SUPT16H: variants seen among roughly 807,000 people sequenced by gnomAD.
SUPT16H encodes the protein FACT complex subunit SPT16.
A neutral mutation model predicts 136.2 loss-of-function variants in SUPT16H; 24 were observed. The ratio of observed to expected loss-of-function variants is 0.18; its 90% CI spans 0.13 to 0.25. The LOEUF is 0.25. Ranked by LOEUF, SUPT16H falls within the 10% of genes least tolerant of loss-of-function variation. The pLI is 1.00. For missense variants in SUPT16H, 623 were observed against 1,270.2 expected (o/e 0.49, Z 7.74); for synonymous variants, 415 against 428.2 (o/e 0.97, Z 0.38).
chr14:21,373,458 AT>A, intron 1 of SUPT16H, 28 bp from the exon 2 acceptor site: 1 of 1,500,960 alleles, frequency 6.7e-7, no homozygotes, highest in Non-Finnish European at 9.3e-7. Context: ...TCATCACTTA[AT>A]TTTTCACACT....
Position 21,374,115 on chromosome 14 carries a change from A to G in SUPT16H, c.67-685T>C, listed in dbSNP as rs549310033. Among the ~76,000 whole-genome samples, 8 of 152,366 alleles carry G rather than the reference A, an allele frequency of 5.3e-5. No individual in the cohort carries two copies. In the South Asian group the frequency reaches 1.7e-3, roughly 32 times the overall value. ...AGAATCTTTCAAGGAGTCATAATTTATGCAGAAATCTACATATGCCTTCTT... is the reference window on the plus strand; with the variant it reads ...AGAATCTTTCAAGGAGTCATAATTTGTGCAGAAATCTACATATGCCTTCTT... On this transcript the variant is annotated intron_variant, in intron 1 of 25. Transcript: ENST00000216297.
Position 21,361,060 on chromosome 14 carries a change from G to A in SUPT16H, c.1929+18C>T, listed in dbSNP as rs765716226. 1 of 1,612,300 alleles carries A rather than the reference G, an allele frequency of 6.2e-7. No individual in the cohort carries two copies. Among genetic ancestry groups the A allele is most frequent in the Non-Finnish European group, 8.5e-7 (1 of 1,179,364 alleles). ...GTCCTTCTTTGTGTAAGAATGTTTT[G>A]CCTGTGTTCAGGCTCACCTCCTTCT... On this transcript the variant is annotated intron_variant, in intron 16 of 25. Transcript: ENST00000216297.
intron 18 of SUPT16H, among the ~76,000 whole-genome samples, chr14:21,359,996 C>T (rs566533125): frequency 2.6e-5 from 4 of 152,142 alleles, no homozygotes; most frequent in Non-Finnish European, 5.9e-5. Context: ...TTTATTTAAT[C>T]CTCTTAAATG....
rs1478105414 is a variant in SUPT16H at position 21,369,290 on chromosome 14, A to T, written c.696T>A (p.Ala232=). 1 of 1,614,218 alleles carries T rather than the reference A, an allele frequency of 6.2e-7. No individual in the cohort carries two copies. Among genetic ancestry groups the T allele is most frequent in the East Asian group, 2.2e-5 (1 of 44,888 alleles). ...EKAIEEKKYL[A]GADPSTVEMC... The stretch of plus-strand genomic sequence containing the variant: ...TTTCCACAGTAGAAGGGTCTGCCCC[A>T]GCAAGGTATTTTTTCTCTTCAATGG... Residue 232 remains alanine (A), a synonymous_variant, in exon 6 of 26, where the codon GCT becomes GCA. Coordinates refer to ENST00000216297, the MANE Select transcript of SUPT16H (RefSeq NM_007192.4).
Position 21,366,430 on chromosome 14 carries a change from A to G in SUPT16H, c.1046+9T>C, listed in dbSNP as rs767922614. 3 of 1,613,184 alleles carry G rather than the reference A, an allele frequency of 1.9e-6. No homozygotes were observed. The highest frequency in any genetic ancestry group is 2.5e-6 in the Non-Finnish European group (3 of 1,179,582). Reference sequence around the variant, plus strand: ...TGACTCAAGAATGACAATAGACATCATGGCATACCCTAGGTTTTTGGTAAT... The same window carrying G: ...TGACTCAAGAATGACAATAGACATCGTGGCATACCCTAGGTTTTTGGTAAT... On this transcript the variant is annotated intron_variant, in intron 8 of 25. Transcript: ENST00000216297.
intron 5 of SUPT16H, 188 bp from the exon 6 acceptor site, chr14:21,369,543 C>G: frequency 1.0e-6 from 1 of 960,354 alleles, no homozygotes; most frequent in Non-Finnish European, 1.5e-6. Flanking sequence ...ACAGCTATTC[C>G]TATGATTCTC....
intron 3 of SUPT16H, among the ~76,000 whole-genome samples, chr14:21,370,952 T>C (rs926059993): frequency 6.6e-6 from 1 of 152,022 alleles, no homozygotes; most frequent in Non-Finnish European, 1.5e-5. Context: ...ATTTTTTATA[T>C]TTTTAGTAGA....
At chr14:21,378,376 A>C (rs1351280311) in intron 1 of SUPT16H, among the ~76,000 whole-genome samples, 1 of 152,238 alleles carries the variant, frequency 6.6e-6, no homozygotes, top group East Asian at 1.9e-4. Context: ...AAAGTTAATC[A>C]TACTTTATTA....
intron 17 of SUPT16H, 113 bp from the exon 18 acceptor site, chr14:21,360,646 G>C: frequency 8.4e-7 from 1 of 1,197,038 alleles, no homozygotes; most frequent in Non-Finnish European, 1.2e-6. Context: ...CAGCTGTATA[G>C]AGCTTTCCTT....
At chr14:21,377,057 T>C (rs1400071709) in intron 1 of SUPT16H, among the ~76,000 whole-genome samples, 1 of 129,622 alleles carries the variant, frequency 7.7e-6, no homozygotes, top group African/African-American at 2.9e-5. Context: ...ACAGTGAGAC[T>C]GTCTCAAAGA....
At chr14:21,365,006 A>G in intron 9 of SUPT16H, 64 bp downstream of exon 9, 1 of 1,606,504 alleles carries the variant, frequency 6.2e-7, no homozygotes. Context: ...ACATATGCCT[A>G]AAAGAAAATA....
intron 1 of SUPT16H, among the ~76,000 whole-genome samples, chr14:21,378,766 AACTC>A (rs537458935): frequency 1.9e-3 from 283 of 152,322 alleles, no homozygotes; most frequent in African/African-American, 6.2e-3. Context: ...AGAAACAAAA[AACTC>A]AAAGTGGTTG....
chr14:21,376,086 A>G (rs908670571), intron 1 of SUPT16H, among the ~76,000 whole-genome samples: 2 of 152,254 alleles, frequency 1.3e-5, no homozygotes, highest in East Asian at 1.9e-4. Context: ...TACATTGAAT[A>G]TCTAGTTATT....
intron 1 of SUPT16H, chr14:21,383,532 G>A (rs552516605): frequency 2.4e-5 from 16 of 660,228 alleles, no homozygotes; most frequent in Non-Finnish European, 4.4e-5. Context: ...AACACGGCAG[G>A]GGAGGGCAGC....
Position 21,364,850 on chromosome 14 carries a change from C to A in SUPT16H, c.1210G>T (p.Gly404Cys). Residue 404 changes from glycine to cysteine, a missense_variant, in exon 10 of 26, where the codon GGT becomes TGT. Transcript: ENST00000216297. ...PEEKTYALFIGDTVLVDEDGP... is the reference protein window; with the variant it reads ...PEEKTYALFICDTVLVDEDGP... Reference sequence around the variant, plus strand: ...ACCTCATCCACAAGCACTGTGTCACCAATGAACAGGGCATAGGTTTTCTCT... The same window carrying A: ...ACCTCATCCACAAGCACTGTGTCACAAATGAACAGGGCATAGGTTTTCTCT... The A allele has an allele frequency of 1.2e-6, 2 of 1,612,568 alleles. No individual in the cohort carries two copies. The highest frequency in any genetic ancestry group is 1.7e-6 in the Non-Finnish European group (2 of 1,179,996).
chr14:21,365,061 G>A lies in SUPT16H; in HGVS notation c.1120+9C>T. On this transcript the variant is annotated intron_variant, in intron 9 of 25. Transcript: ENST00000216297. ...ACAAAAGCATTTTCCTATTGTATGT[G>A]AAACTTACCTTTCTTCAGTTTGTAT... is the stretch of plus-strand genomic sequence containing the variant. The A allele has an allele frequency of 1.2e-6, 2 of 1,613,282 alleles. No individual in the cohort carries two copies. The highest frequency in any genetic ancestry group is 1.7e-6 in the Non-Finnish European group (2 of 1,179,506).
intron 1 of SUPT16H, among the ~76,000 whole-genome samples, chr14:21,381,288 T>C (rs1305921446): frequency 6.6e-6 from 1 of 152,140 alleles, no homozygotes; most frequent in Non-Finnish European, 1.5e-5. Flanking sequence ...AAATTATAAT[T>C]AAAAAATATT....
chr14:21,354,253 A>G (rs1309805561), intron 23 of SUPT16H, among the ~76,000 whole-genome samples, 158 bp downstream of exon 23: 1 of 152,228 alleles, frequency 6.6e-6, no homozygotes, highest in East Asian at 1.9e-4. Flanking sequence ...ACCACTGCCC[A>G]ATCAATTTAT....
chr14:21,359,414 A>G (rs922184498), intron 19 of SUPT16H, 70 bp downstream of exon 19: 1 of 1,574,064 alleles, frequency 6.4e-7, no homozygotes, highest in Non-Finnish European at 8.6e-7. Flanking sequence ...TATAAAATAC[A>G]ATCCCTGAGC....
Sources: allele counts gnomAD v4.1 joint callset (sites outside exome capture counted in the v4.1 genomes callset), GRCh38; gene constraint gnomAD v4.1.1; transcripts MANE v1.5; gene names NCBI Gene and HGNC (gene_info 2026-07-23, HGNC 2026-07-21).